Variants in TMEM87A observed in about 807,000 individuals in gnomAD.
The protein encoded by TMEM87A is transmembrane protein 87A, also known as Golgi-pH regulating cation channel.
A neutral mutation model predicts 90.0 loss-of-function variants in TMEM87A; 50 were observed. That is an observed-to-expected ratio of 0.56 (90% CI 0.44 to 0.70). TMEM87A has a LOEUF of 0.70. Ranked by LOEUF, TMEM87A falls within the 30% of genes least tolerant of loss-of-function variation. The pLI is 0.00. For synonymous variants in TMEM87A, 226 were observed against 226.7 expected (o/e 1.00, Z 0.03); for missense variants, 577 against 660.5 (o/e 0.87, Z 1.39).
rs1368312863 is a variant in TMEM87A at position 42,273,315 on chromosome 15, A to C, written c.84T>G (p.Ser28Arg). ...CAGCAGCTACGGTTGCCGGTCCCGCACTGAAAAACGACAGTGGTGACGGGT... is the reference window on the plus strand; with the variant it reads ...CAGCAGCTACGGTTGCCGGTCCCGCCCTGAAAAACGACAGTGGTGACGGGT... ...GAHPSPLSFF[S>R]AGPATVAAAD... Residue 28 changes from serine to arginine, a missense_variant, in exon 1 of 20, where the codon AGT becomes AGG. Coordinates refer to ENST00000389834, the MANE Select transcript of TMEM87A (RefSeq NM_015497.5). The C allele has an allele frequency of 6.2e-7, 1 of 1,614,000 alleles. No individual in the cohort carries two copies. Among genetic ancestry groups the C allele is most frequent in the Non-Finnish European group, 8.5e-7 (1 of 1,180,038 alleles).
intron 15 of TMEM87A, among the ~76,000 whole-genome samples, chr15:42,221,808 T>C (rs867098485): frequency 6.6e-6 from 1 of 152,152 alleles, no homozygotes; most frequent in East Asian, 1.9e-4. Context: ...TGCAGTGCAG[T>C]GGTATGACCA....
intron 3 of TMEM87A, among the ~76,000 whole-genome samples, chr15:42,264,699 A>ATATATATTTTTTTT (rs10681614): frequency 0.36 from 38,690 of 108,636 alleles, 9,446 homozygotes; most frequent in Non-Finnish European, 0.51. Flanking sequence ...ATATATATAT[A>ATATATATTTTTTTT]TTTTTTTTTT....
chr15:42,211,976 G>A (rs943701440), intron 19 of TMEM87A, among the ~76,000 whole-genome samples: 1 of 152,032 alleles, frequency 6.6e-6, no homozygotes, highest in Non-Finnish European at 1.5e-5. Context: ...CAGAAAATCA[G>A]CACTCAGAAG....
At chr15:42,260,549 T>C (rs962543926) in intron 6 of TMEM87A, among the ~76,000 whole-genome samples, 2 of 152,198 alleles carry the variant, frequency 1.3e-5, no homozygotes, top group African/African-American at 4.8e-5. Context: ...AATTTGAAAA[T>C]AGTATCCATA....
At position 42,273,403 on chromosome 15, in the gene TMEM87A, A is replaced by C; in HGVS notation, c.-5T>G. Reference sequence around the variant, plus strand: ...AAGCCACGCAGCCGCCGCCATCTTCACAGCCGTGGAGTGCCTACCGAAAGC... The same window carrying C: ...AAGCCACGCAGCCGCCGCCATCTTCCCAGCCGTGGAGTGCCTACCGAAAGC... On this transcript the variant is annotated 5_prime_UTR_variant, in exon 1 of 20. The change abolishes the stop of an existing upstream ORF in the 5' untranslated region. Coordinates refer to ENST00000389834, the MANE Select transcript of TMEM87A (RefSeq NM_015497.5). The C allele has an allele frequency of 6.2e-7, 1 of 1,613,888 alleles. No individual in the cohort carries two copies.
intron 15 of TMEM87A, among the ~76,000 whole-genome samples, chr15:42,220,882 C>T (rs1010546075): frequency 6.6e-6 from 1 of 152,210 alleles, no homozygotes; most frequent in Admixed American, 6.5e-5. Flanking sequence ...AGCTCCGCCT[C>T]CCGGGTTCAC....
chr15:42,258,371 C>T (rs1241471276), intron 6 of TMEM87A: 4 of 658,242 alleles, frequency 6.1e-6, no homozygotes, highest in Non-Finnish European at 7.5e-6. Flanking sequence ...TTATGTATAT[C>T]GTCTCCATTT....
At chr15:42,273,513 C>A, upstream of TMEM87A, 1 of 1,507,562 alleles carries the variant, frequency 6.6e-7, no homozygotes, top group East Asian at 2.4e-5. Flanking sequence ...CGTCGCGGAG[C>A]TTGTTTGCTG....
chr15:42,232,984 T>G, intron 11 of TMEM87A: 1 of 297,808 alleles, frequency 3.4e-6, no homozygotes, highest in Non-Finnish European at 6.2e-6. Context: ...CTAAAACAAT[T>G]AGCAATTTGG....
At chr15:42,217,418 T>C (rs2050401393) in intron 19 of TMEM87A, among the ~76,000 whole-genome samples, 2 of 152,244 alleles carry the variant, frequency 1.3e-5, no homozygotes, top group African/African-American at 4.8e-5. Context: ...ATTTAGATTT[T>C]GTTTTGGTCT....
intron 4 of TMEM87A, among the ~76,000 whole-genome samples, chr15:42,262,660 G>A (rs754912132): frequency 5.3e-5 from 8 of 151,850 alleles, no homozygotes; most frequent in South Asian, 2.1e-4. Flanking sequence ...CAGGTGATCC[G>A]CCCACCTCGG....
intron 6 of TMEM87A, among the ~76,000 whole-genome samples, chr15:42,260,218 T>C (rs1435927333): frequency 6.6e-6 from 1 of 152,042 alleles, no homozygotes; most frequent in African/African-American, 2.4e-5. Flanking sequence ...ACAAAAAATT[T>C]TTTAAAATTA....
intron 19 of TMEM87A, among the ~76,000 whole-genome samples, chr15:42,216,562 G>T (rs1466735997): frequency 6.6e-6 from 1 of 152,200 alleles, no homozygotes; most frequent in African/African-American, 2.4e-5. Flanking sequence ...GCAGCTCATG[G>T]AGAGCTGAAG....
At chr15:42,220,758 T>C (rs1430129094) in intron 15 of TMEM87A, among the ~76,000 whole-genome samples, 3 of 152,188 alleles carry the variant, frequency 2.0e-5, no homozygotes, top group Non-Finnish European at 4.4e-5. Flanking sequence ...ATTCCTAGAA[T>C]GCTTTAGCTT....
chr15:42,264,700 T>TATATATATATATATATA (rs35725330), intron 3 of TMEM87A, among the ~76,000 whole-genome samples: 3 of 5,166 alleles, frequency 5.8e-4, no homozygotes, highest in African/African-American at 8.2e-4. Context: ...TATATATATA[T>TATATATATATATATATA]TTTTTTTTTA....
intron 6 of TMEM87A, among the ~76,000 whole-genome samples, chr15:42,246,064 CCT>C (rs2050966368): frequency 6.6e-6 from 1 of 152,170 alleles, no homozygotes; most frequent in African/African-American, 2.4e-5. Context: ...CCCATTTCTT[CCT>C]CTGTCACCAC....
chr15:42,268,673 CATAAATAA>C (rs145708642), intron 2 of TMEM87A, among the ~76,000 whole-genome samples: 36 of 151,278 alleles, frequency 2.4e-4, no homozygotes, highest in African/African-American at 3.4e-4. Context: ...TCTCAAAAAA[CATAAATAA>C]ATAAATAAAT....
chr15:42,273,101 G>C (rs1005234281), intron 1 of TMEM87A, 154 bp downstream of exon 1: 27 of 911,580 alleles, frequency 3.0e-5, no homozygotes, highest in Admixed American at 2.3e-4. Flanking sequence ...TTCCACTCCA[G>C]GGAGGTGGGT....
At chr15:42,240,589 T>C (rs992734080) in intron 7 of TMEM87A, among the ~76,000 whole-genome samples, 2 of 152,236 alleles carry the variant, frequency 1.3e-5, no homozygotes, top group African/African-American at 4.8e-5. Context: ...TGACTAATTT[T>C]AAGATTATCT....
Sources: gnomAD v4.1 joint callset for allele counts (sites outside exome capture counted in the v4.1 genomes callset) on GRCh38, gnomAD v4.1.1 for gene constraint, MANE v1.5 for transcripts, NCBI Gene and HGNC (gene_info 2026-07-23, HGNC 2026-07-21) for gene names.